HHIP: variants seen among roughly 807,000 people sequenced by gnomAD.
HHIP encodes the protein hedgehog-interacting protein.
A neutral mutation model predicts 74.0 loss-of-function variants in HHIP; 12 were observed. The ratio of observed to expected loss-of-function variants is 0.16; its 90% CI spans 0.10 to 0.26. The LOEUF (loss-of-function observed/expected upper bound fraction) is 0.26, where lower values mean the gene tolerates loss of function less well. Ranked by LOEUF, HHIP falls within the 10% of genes least tolerant of loss-of-function variation. The probability of loss-of-function intolerance (pLI) is 1.00; values close to 1 mark genes in which losing one functional copy is unlikely to be tolerated. For synonymous variants in HHIP, 309 were observed against 311.6 expected, an observed-to-expected ratio of 0.99 and a Z score of 0.09; for missense variants, 788 against 845.0, an observed-to-expected ratio of 0.93 and a Z score of 0.84.
At chr4:144,708,565 A>G (rs1023062375) in intron 7 of HHIP, among the ~76,000 whole-genome samples, 12 of 152,220 alleles carry the variant, frequency 7.9e-5, no homozygotes, top group Non-Finnish European at 1.8e-4. Flanking sequence ...TCACCTTAAA[A>G]TGTGGAGAGG....
Position 144,646,620 on chromosome 4 carries a change from G to A in HHIP, c.-56G>A. On this transcript the variant is annotated 5_prime_UTR_variant, in exon 1 of 13. Transcript: ENST00000296575. Reference sequence around the variant, plus strand: ...AGCTGCGCCCTAGTGCCCCTGCTGGGCAGTGGCGTTCCCCCCCATCCTCCC... The same window carrying A: ...AGCTGCGCCCTAGTGCCCCTGCTGGACAGTGGCGTTCCCCCCCATCCTCCC... 1.9e-6 allele frequency: 3 copies of A among 1,566,346 alleles called. No individual in the cohort carries two copies. The highest frequency in any genetic ancestry group is 2.6e-6 in the Non-Finnish European group (3 of 1,150,164).
At chr4:144,702,310 A>G (rs918386362) in intron 4 of HHIP, among the ~76,000 whole-genome samples, 2 of 152,212 alleles carry the variant, frequency 1.3e-5, no homozygotes, top group Admixed American at 6.5e-5. Flanking sequence ...AAGCTGCAAC[A>G]CTAGGTCTGA....
At chr4:144,726,105 C>T in intron 11 of HHIP, among the ~76,000 whole-genome samples, 1 of 152,026 alleles carries the variant, frequency 6.6e-6, no homozygotes, top group Non-Finnish European at 1.5e-5. Flanking sequence ...ACATTTTTAT[C>T]AATTATGGTT....
intron 11 of HHIP, among the ~76,000 whole-genome samples, chr4:144,727,631 C>T (rs1552792): frequency 0.55 from 83,582 of 152,022 alleles, 23,655 homozygotes; most frequent in South Asian, 0.76. Flanking sequence ...TCTAAAAGCA[C>T]ATGACATTAT....
chr4:144,683,056 A>T (rs537078117), intron 4 of HHIP, among the ~76,000 whole-genome samples: 2 of 152,220 alleles, frequency 1.3e-5, no homozygotes, highest in Non-Finnish European at 2.9e-5. Flanking sequence ...TGGTTTTATA[A>T]TCTTGCCCAC....
chr4:144,674,316 G>A (rs1056658356), intron 4 of HHIP, among the ~76,000 whole-genome samples: 2 of 152,120 alleles, frequency 1.3e-5, no homozygotes, highest in East Asian at 1.9e-4. Flanking sequence ...TAAAATGTGC[G>A]AAGGCCATCT....
At chr4:144,675,380 A>G (rs1467250378) in intron 4 of HHIP, among the ~76,000 whole-genome samples, 1 of 152,134 alleles carries the variant, frequency 6.6e-6, no homozygotes, top group East Asian at 1.9e-4. Flanking sequence ...TGTTGTCTTC[A>G]TTACGAGAAA....
In HHIP at chr4:144,687,767, T is replaced by G. The variant is rs1729530503; in HGVS notation, c.832-18764T>G. On this transcript the variant is annotated intron_variant, in intron 4 of 12. Transcript: ENST00000296575. ...TTTTGGCAACTTTTTTTTTTTTTTT[T>G]TTTTTTTTTTTTGCTATTGGCCTAT... 2.0e-5 allele frequency among the ~76,000 whole-genome samples: 3 copies of G among 147,546 alleles called. No individual in the cohort carries two copies. In the Admixed American group the frequency reaches 2.0e-4, roughly 10 times the overall value.
In HHIP at chr4:144,659,825, A is replaced by C. The variant is rs771500415; in HGVS notation, c.818A>C (p.Gln273Pro). 2 of 1,611,758 alleles carry C rather than the reference A, an allele frequency of 1.2e-6. No homozygotes were observed. Among genetic ancestry groups the C allele is most frequent in the Non-Finnish European group, 1.7e-6 (2 of 1,178,978 alleles). ...TATTTGGACATTCACAAACTTGTTC[A>C]AAGTGGAATAAAGGTTGGCTTTTTA... is the stretch of plus-strand genomic sequence containing the variant. ...EPYLDIHKLVQSGIKGGDERG... is the reference protein window; with the variant it reads ...EPYLDIHKLVPSGIKGGDERG... The change falls in exon 4 of 13, where the codon CAA (glutamine) becomes CCA (proline). Residue 273 changes from glutamine (Q) to proline (P), a missense_variant. Around this residue, in one of 3 missense-constraint regions of HHIP, gnomAD observed 373 missense variants for 366.4 expected, o/e 1.02. Transcript: ENST00000296575.
chr4:144,714,186 AAT>A, intron 8 of HHIP, 37 bp from the exon 9 acceptor site: 2 of 1,583,332 alleles, frequency 1.3e-6, no homozygotes, highest in South Asian at 1.1e-5. Flanking sequence ...ACTTTATGAA[AAT>A]ATGTTTCATT....
intron 5 of HHIP, 92 bp downstream of exon 5, chr4:144,706,774 G>C: frequency 8.6e-7 from 1 of 1,168,320 alleles, no homozygotes. Flanking sequence ...TTGCAAATAA[G>C]TAACCATAAG....
intron 4 of HHIP, among the ~76,000 whole-genome samples, chr4:144,696,596 G>A (rs7439494): frequency 0.6 from 90,524 of 151,484 alleles, 27,174 homozygotes; most frequent in South Asian, 0.77. Flanking sequence ...TACTTGGTAG[G>A]GCACTGTAAC....
chr4:144,677,952 T>A (rs1011876906), intron 4 of HHIP, among the ~76,000 whole-genome samples: 5 of 152,156 alleles, frequency 3.3e-5, no homozygotes, highest in Non-Finnish European at 5.9e-5. Flanking sequence ...ATGAAATATG[T>A]CCAGGAAGCC....
At chr4:144,650,686 G>A (rs1469972724) in intron 1 of HHIP, 1 of 152,008 alleles carries the variant, frequency 6.6e-6, no homozygotes, top group East Asian at 1.9e-4. Context: ...CTCACACAGA[G>A]CAAAAATGTT....
Position 144,707,312 on chromosome 4 carries a change from G to T in HHIP, c.1157+52G>T, listed in dbSNP as rs760683306. On this transcript the variant is annotated intron_variant, in intron 6 of 12. Coordinates refer to ENST00000296575, the MANE Select transcript of HHIP (RefSeq NM_022475.3). Reference sequence around the variant, plus strand: ...CTCTCAAGGTTAAAATAGTTTAAGTGCCAGAAGAAAAGGTGGGCACCAGTG... The same window carrying T: ...CTCTCAAGGTTAAAATAGTTTAAGTTCCAGAAGAAAAGGTGGGCACCAGTG... 4.1e-6 allele frequency: 6 copies of T among 1,453,890 alleles called. No homozygotes were observed. The South Asian group carries it at 8.2e-5, about 20-fold the overall frequency. The allele number at this position is 1,453,890 out of a possible 1,614,324, so 90.1% of individuals were successfully genotyped here. A position where few individuals can be genotyped will look rare whatever the true frequency, so the allele number is the denominator to read the frequency against.
At chr4:144,694,337 T>C (rs1175128650) in intron 4 of HHIP, among the ~76,000 whole-genome samples, 1 of 151,810 alleles carries the variant, frequency 6.6e-6, no homozygotes, top group Non-Finnish European at 1.5e-5. Flanking sequence ...TATTGGGGTT[T>C]TTTTTTTCAA....
chr4:144,706,387 T>C, intron 4 of HHIP, 144 bp from the exon 5 acceptor site: 1 of 617,666 alleles, frequency 1.6e-6, no homozygotes, highest in Non-Finnish European at 2.8e-6. Context: ...AATCCTTTTT[T>C]GTGCAGTAGG....
chr4:144,648,100 A>G (rs921031611), intron 1 of HHIP: 3 of 152,152 alleles, frequency 2.0e-5, no homozygotes, highest in Admixed American at 6.5e-5. Context: ...TCTGGGTGGT[A>G]TCTCTCACTT....
intron 10 of HHIP, among the ~76,000 whole-genome samples, chr4:144,717,208 T>A (rs925540457): frequency 6.6e-6 from 1 of 152,250 alleles, no homozygotes; most frequent in South Asian, 2.1e-4. Context: ...TATAAGAAAA[T>A]GAGTAAGTTT....
Sources: allele counts gnomAD v4.1 joint callset (sites outside exome capture counted in the v4.1 genomes callset), GRCh38; gene constraint gnomAD v4.1.1; regional missense constraint gnomAD v4.1.1; transcripts MANE v1.5; gene names NCBI Gene and HGNC (gene_info 2026-07-23, HGNC 2026-07-21).